TMEM178B: variants seen among roughly 807,000 people sequenced by gnomAD.
The protein encoded by TMEM178B is transmembrane protein 178B.
TMEM178B carries 5 observed loss-of-function variants against 31.0 expected under a neutral mutation model. The observed-to-expected ratio is 0.16, with a 90% CI of 0.08 to 0.34. The LOEUF (loss-of-function observed/expected upper bound fraction) is 0.34. Among genes scored for constraint, TMEM178B ranks in the 10% least tolerant of loss-of-function variants. TMEM178B has a pLI of 1.00. For synonymous variants in TMEM178B, 164 were observed against 164.0 expected, an observed-to-expected ratio of 1.00 and a Z score of 0.00; for missense variants, 275 against 400.3, an observed-to-expected ratio of 0.69 and a Z score of 2.67.
intron 2 of TMEM178B, among the ~76,000 whole-genome samples, chr7:141,244,936 G>A (rs567250298): frequency 1.3e-4 from 20 of 151,726 alleles, no homozygotes; most frequent in South Asian, 4.2e-4. Context: ...TCAGGAGTTC[G>A]AAACCAGCCT....
intron 2 of TMEM178B, among the ~76,000 whole-genome samples, chr7:141,326,696 G>A (rs1201850632): frequency 6.6e-6 from 1 of 152,172 alleles, no homozygotes; most frequent in South Asian, 2.1e-4. Context: ...CAAAAGCAGT[G>A]TTGAGTAGTT....
intron 2 of TMEM178B, among the ~76,000 whole-genome samples, chr7:141,322,265 G>A (rs1799113004): frequency 1.3e-5 from 2 of 151,888 alleles, no homozygotes; most frequent in Admixed American, 6.6e-5. Flanking sequence ...GGTGGCTCAT[G>A]CCTATAATCC....
chr7:141,220,201 GGAGGCT>G (rs1199254660), intron 2 of TMEM178B, among the ~76,000 whole-genome samples: 2 of 96,448 alleles, frequency 2.1e-5, no homozygotes, highest in Non-Finnish European at 3.7e-5. Context: ...GCCATACTTG[GGAGGCT>G]GAGGCAGAGG....
In TMEM178B at chr7:141,436,372, C is replaced by T. The variant is rs947844149; in HGVS notation, c.497-1236C>T. 2.0e-5 allele frequency among the ~76,000 whole-genome samples: 3 copies of T among 152,142 alleles called. No homozygotes were observed. In the East Asian group the frequency reaches 5.8e-4, roughly 29 times the overall value. On this transcript the variant is annotated intron_variant, in intron 2 of 3. Transcript: ENST00000565468. ...CACTTCCCTTTGACAGAGAGGGACG[C>T]CCAAGGATCCTCCAGGCTGTTCTGC...
chr7:141,246,270 A>G (rs1306631046), intron 2 of TMEM178B, among the ~76,000 whole-genome samples: 2 of 152,180 alleles, frequency 1.3e-5, no homozygotes, highest in Non-Finnish European at 2.9e-5. Context: ...CCAAATATCT[A>G]TTACTTCTTG....
intron 2 of TMEM178B, among the ~76,000 whole-genome samples, chr7:141,234,620 A>G (rs1438535501): frequency 6.6e-6 from 1 of 152,152 alleles, no homozygotes; most frequent in East Asian, 1.9e-4. Flanking sequence ...CCTCGTGCAG[A>G]ACCTGGTCCG....
At chr7:141,446,628 G>A (rs1031415574) in intron 3 of TMEM178B, among the ~76,000 whole-genome samples, 9 of 152,166 alleles carry the variant, frequency 5.9e-5, no homozygotes, top group Non-Finnish European at 1.2e-4. Flanking sequence ...GGGAATTATG[G>A]TTTTGTCATG....
intron 2 of TMEM178B, among the ~76,000 whole-genome samples, chr7:141,358,474 A>T (rs755032009): frequency 6.6e-6 from 1 of 152,128 alleles, no homozygotes; most frequent in Non-Finnish European, 1.5e-5. Context: ...TCTCTGAGAA[A>T]CCAGCTCTTT....
intron 1 of TMEM178B, among the ~76,000 whole-genome samples, chr7:141,185,442 C>T (rs1320820833): frequency 2.0e-5 from 3 of 152,174 alleles, no homozygotes; most frequent in Admixed American, 6.5e-5. Context: ...GGCTCTCCTC[C>T]GACTGCCCTG....
In TMEM178B at chr7:141,479,887, T is replaced by C. The variant is rs1385165990; in HGVS notation, c.*9101T>C. The C allele has an allele frequency of 6.6e-6, 1 of 152,212 alleles. No homozygotes were observed. Among genetic ancestry groups the C allele is most frequent in the Non-Finnish European group, 1.5e-5 (1 of 68,040 alleles). 9.4% of individuals were successfully genotyped at this position (152,212 alleles called of 1,614,324 possible). A position where few individuals can be genotyped will look rare whatever the true frequency, so the allele number is the denominator to read the frequency against. On this transcript the variant is annotated 3_prime_UTR_variant, in exon 4 of 4. Transcript: ENST00000565468. ...TGCCTCTGCCCTTGGAGGCAGCAAT[T>C]CCTGTGGTTATTGGTGCTAAAATAA...
At chr7:141,437,258 A>C (rs1020586410) in intron 2 of TMEM178B, among the ~76,000 whole-genome samples, 1 of 152,208 alleles carries the variant, frequency 6.6e-6, no homozygotes, top group African/African-American at 2.4e-5. Flanking sequence ...TGTGCCTTTC[A>C]GCAAATAGGA....
At chr7:141,256,322 A>G (rs1797927209) in intron 2 of TMEM178B, among the ~76,000 whole-genome samples, 1 of 152,232 alleles carries the variant, frequency 6.6e-6, no homozygotes, top group Admixed American at 6.5e-5. Flanking sequence ...AATCAGAAAA[A>G]TGCTCTCCCA....
At chr7:141,242,335 C>T (rs984700250) in intron 2 of TMEM178B, among the ~76,000 whole-genome samples, 1 of 151,614 alleles carries the variant, frequency 6.6e-6, no homozygotes, top group African/African-American at 2.4e-5. Flanking sequence ...AGCCACATTT[C>T]AGCTAATCAA....
chr7:141,490,601 G>A, the TMEM178B span, among the ~76,000 whole-genome samples: 1 of 152,170 alleles, frequency 6.6e-6, no homozygotes, highest in South Asian at 2.1e-4. Flanking sequence ...ACTGCTTTGT[G>A]GTACTTTGTC....
the TMEM178B span, among the ~76,000 whole-genome samples, chr7:141,488,910 G>A: frequency 1.3e-3 from 200 of 151,736 alleles, no homozygotes; most frequent in Non-Finnish European, 7.1e-4. Context: ...TTTTTCCCCC[G>A]TTGGAGAAAA....
At chr7:141,339,715 G>T (rs948578143) in intron 2 of TMEM178B, among the ~76,000 whole-genome samples, 1 of 152,246 alleles carries the variant, frequency 6.6e-6, no homozygotes, top group Admixed American at 6.5e-5. Flanking sequence ...CGTTGATGCT[G>T]TAAGTGTAGG....
At chr7:141,351,570 C>T (rs549246709) in intron 2 of TMEM178B, among the ~76,000 whole-genome samples, 2 of 152,288 alleles carry the variant, frequency 1.3e-5, no homozygotes, top group South Asian at 4.1e-4. Flanking sequence ...AGACCCCACC[C>T]CTTGATAAGA....
Position 141,422,217 on chromosome 7 carries a change from C to G in TMEM178B, c.497-15391C>G, listed in dbSNP as rs1801224736. Among the ~76,000 whole-genome samples the G allele has an allele frequency of 6.6e-6, 1 of 152,200 alleles. No individual in the cohort carries two copies. The highest frequency in any genetic ancestry group is 1.5e-5 in the Non-Finnish European group (1 of 68,036). ...GGTAAAAGGCCAAGGCTCTGACTTGCCTGGTGTTATTGCTCTCCGGGCCCT... is the reference window on the plus strand; with the variant it reads ...GGTAAAAGGCCAAGGCTCTGACTTGGCTGGTGTTATTGCTCTCCGGGCCCT... On this transcript the variant is annotated intron_variant, in intron 2 of 3. Transcript: ENST00000565468. The surrounding 1 kb of genome is among the most constrained non-coding windows in gnomAD (Gnocchi z 4.2).
intron 1 of TMEM178B, among the ~76,000 whole-genome samples, chr7:141,084,271 T>C (rs1269581119): frequency 2.6e-5 from 4 of 152,066 alleles, no homozygotes; most frequent in African/African-American, 9.7e-5. Context: ...TTTTAAGGAG[T>C]ACCAATATAT....
Sources: allele counts gnomAD v4.1 joint callset (sites outside exome capture counted in the v4.1 genomes callset), GRCh38; gene constraint gnomAD v4.1.1; non-coding constraint Gnocchi (gnomAD v3.1); transcripts MANE v1.5; gene names NCBI Gene and HGNC (gene_info 2026-07-23, HGNC 2026-07-21).